Variants in VEGFC observed in about 807,000 individuals in gnomAD.
VEGFC encodes FLT4 ligand DHM.
A neutral mutation model predicts 46.1 loss-of-function variants in VEGFC; 12 were observed. The observed-to-expected ratio is 0.26, with a 90% confidence interval of 0.17 to 0.42. The LOEUF (loss-of-function observed/expected upper bound fraction) is 0.42, where lower values mean the gene tolerates loss of function less well. Among genes scored for constraint, VEGFC ranks in the 10% least tolerant of loss-of-function variants. The pLI is 1.00. For synonymous variants in VEGFC, 232 were observed against 195.5 expected (o/e 1.19, Z -1.56); for missense variants, 488 against 529.4 (o/e 0.92, Z 0.77).
chr4:176,688,772 C>T (rs957643979), intron 4 of VEGFC, among the ~76,000 whole-genome samples: 1 of 152,198 alleles, frequency 6.6e-6, no homozygotes, highest in Non-Finnish European at 1.5e-5. Context: ...GCCCACGTGA[C>T]ATGAGCCCTC....
At chr4:176,726,615 C>G (rs1734877931) in intron 3 of VEGFC, among the ~76,000 whole-genome samples, 1 of 152,034 alleles carries the variant, frequency 6.6e-6, no homozygotes, top group East Asian at 1.9e-4. Context: ...TGTCTCCAAA[C>G]TCAGAGGCCA....
chr4:176,786,952 AAG>A (rs1228015494), intron 1 of VEGFC, among the ~76,000 whole-genome samples: 11 of 152,290 alleles, frequency 7.2e-5, no homozygotes, highest in African/African-American at 2.6e-4. Context: ...TGGAGACTGC[AAG>A]AGTCTCTGAA....
intron 1 of VEGFC, among the ~76,000 whole-genome samples, chr4:176,747,161 T>G (rs757955617): frequency 6.6e-6 from 1 of 152,136 alleles, no homozygotes; most frequent in African/African-American, 2.4e-5. Context: ...AGTGTAGTTA[T>G]ATAAGCTATG....
rs529352555 is a variant in VEGFC, at chr4:176,792,424, C to T, written c.-113G>A. On this transcript the variant is annotated 5_prime_UTR_variant, in exon 1 of 7. Coordinates refer to ENST00000618562, the MANE Select transcript of VEGFC (RefSeq NM_005429.5). The surrounding 1 kb of genome is among the most constrained non-coding windows in gnomAD (Gnocchi z 6.3). ...TGGTCCCTCTCCCCCGGGCTCCTCC[C>T]GGCGACCCCCCCTGGGCGAGCCGGA... The T allele has an allele frequency of 2.4e-6, 2 of 839,882 alleles. No homozygotes were observed. Among genetic ancestry groups the T allele is most frequent in the South Asian group, 2.9e-5 (1 of 33,960 alleles). The allele number at this position is 839,882 out of a possible 1,614,324, so 52.0% of individuals were successfully genotyped here.
intron 4 of VEGFC, among the ~76,000 whole-genome samples, chr4:176,704,262 A>C (rs6552190): frequency 0.17 from 26,480 of 151,898 alleles, 3,997 homozygotes; most frequent in African/African-American, 0.41. Flanking sequence ...TGATTTCCCC[A>C]CAGTTTCATC....
At chr4:176,746,816 T>G (rs1735265338) in intron 1 of VEGFC, among the ~76,000 whole-genome samples, 3 of 152,094 alleles carry the variant, frequency 2.0e-5, no homozygotes, top group Admixed American at 2.0e-4. Context: ...CCACTAAATT[T>G]ATCAAAGGTC....
intron 1 of VEGFC, among the ~76,000 whole-genome samples, chr4:176,749,669 T>TA (rs1735310035): frequency 6.6e-6 from 1 of 151,722 alleles, no homozygotes. Flanking sequence ...TTCAAGAACA[T>TA]AAAAAATAAA....
intron 1 of VEGFC, among the ~76,000 whole-genome samples, chr4:176,780,387 A>AAAAAACAAAAAAAAC (rs1553997798): frequency 1.0e-4 from 12 of 114,760 alleles, no homozygotes; most frequent in South Asian, 3.0e-4. Flanking sequence ...ATCTCAAAAA[A>AAAAAACAAAAAAAAC]AAAAAAAAAA....
chr4:176,701,992 AG>A (rs569405663), intron 4 of VEGFC, among the ~76,000 whole-genome samples: 391 of 152,320 alleles, frequency 2.6e-3, no homozygotes, highest in Non-Finnish European at 4.1e-3. Context: ...CAAATTAAAA[AG>A]GAAAGAGTGA....
chr4:176,737,111 T>C (rs1474322438), intron 1 of VEGFC, among the ~76,000 whole-genome samples: 1 of 150,610 alleles, frequency 6.6e-6, no homozygotes, highest in Non-Finnish European at 1.5e-5. Context: ...CTTTATTGTA[T>C]TAACTAATAA....
chr4:176,728,884 T>C (rs1560947868), intron 2 of VEGFC, among the ~76,000 whole-genome samples: 1 of 152,204 alleles, frequency 6.6e-6, no homozygotes, highest in Non-Finnish European at 1.5e-5. Context: ...TTTTTTTTAA[T>C]AGAGATGAGG....
intron 1 of VEGFC, among the ~76,000 whole-genome samples, chr4:176,778,500 C>A (rs1735854580): frequency 6.6e-6 from 1 of 152,042 alleles, no homozygotes; most frequent in South Asian, 2.1e-4. Flanking sequence ...CTTCAACAGC[C>A]AGCCAGAGGC....
At chr4:176,777,190 G>A (rs1433266742) in intron 1 of VEGFC, among the ~76,000 whole-genome samples, 2 of 152,078 alleles carry the variant, frequency 1.3e-5, no homozygotes, top group East Asian at 1.9e-4. Context: ...GGTGGCGGGC[G>A]CCTGTAGTCC....
intron 1 of VEGFC, among the ~76,000 whole-genome samples, chr4:176,785,069 T>C (rs1376326957): frequency 6.6e-6 from 1 of 152,118 alleles, no homozygotes; most frequent in Non-Finnish European, 1.5e-5. Flanking sequence ...TTCCAGGCGC[T>C]ATCACAGGCA....
chr4:176,694,146 C>A (rs1321795484), intron 4 of VEGFC, among the ~76,000 whole-genome samples: 2 of 151,344 alleles, frequency 1.3e-5, no homozygotes, highest in South Asian at 2.1e-4. Context: ...CTTTAAATGT[C>A]AATGGACTAA....
In VEGFC at chr4:176,790,750, T is replaced by C. The variant is rs551060693; in HGVS notation, c.147+1415A>G. Among the ~76,000 whole-genome samples the C allele has an allele frequency of 5.3e-5, 8 of 152,334 alleles. No homozygotes were observed. In the South Asian group the frequency reaches 1.2e-3, roughly 24 times the overall value. ...GTTTTGACTTTGCAGAAATAGCAAA[T>C]AGGTACTGCAAAATCAAGGACTCAA... On this transcript the variant is annotated intron_variant, in intron 1 of 6. Transcript: ENST00000618562.
intron 1 of VEGFC, among the ~76,000 whole-genome samples, chr4:176,761,282 TAATATA>T: frequency 6.6e-6 from 1 of 152,308 alleles, no homozygotes; most frequent in East Asian, 1.9e-4. Context: ...GCGAACATTC[TAATATA>T]AATATCCTTA....
In VEGFC at chr4:176,745,650, G is replaced by A. The variant is rs1735248232; in HGVS notation, c.148-15904C>T. On this transcript the variant is annotated intron_variant, in intron 1 of 6. Transcript: ENST00000618562. ...TAACACTATACTGGGACCTGCTTGG[G>A]TCTGTCCTGAGAAGATCACAGATGG... is the stretch of plus-strand genomic sequence containing the variant. Among the ~76,000 whole-genome samples the A allele has an allele frequency of 2.6e-5, 4 of 152,166 alleles. No individual in the cohort carries two copies. In the South Asian group the frequency reaches 8.3e-4, roughly 32 times the overall value.
intron 4 of VEGFC, among the ~76,000 whole-genome samples, chr4:176,698,565 C>T (rs543830086): frequency 6.6e-6 from 1 of 151,918 alleles, no homozygotes; most frequent in East Asian, 1.9e-4. Context: ...TTAACATATC[C>T]ACACCTCAAA....
Sources: allele counts gnomAD v4.1 joint callset (sites outside exome capture counted in the v4.1 genomes callset), GRCh38; gene constraint gnomAD v4.1.1; non-coding constraint Gnocchi (gnomAD v3.1); transcripts MANE v1.5; gene names NCBI Gene and HGNC (gene_info 2026-07-23, HGNC 2026-07-21).